The following CD200R1 variants were observed in gnomAD, a reference collection of about 807,000 sequenced individuals.
CD200R1 encodes the protein cell surface glycoprotein CD200 receptor 1.
A neutral mutation model predicts 38.1 loss-of-function variants in CD200R1; 30 were observed. The ratio of observed to expected loss-of-function variants is 0.79; its 90% confidence interval spans 0.59 to 1.07. CD200R1 has a LOEUF of 1.07. Among genes scored for constraint, CD200R1 ranks in the 50% least tolerant of loss-of-function variants. CD200R1 has a pLI of 0.00. For synonymous variants in CD200R1, 128 were observed against 152.1 expected (o/e 0.84, Z 1.16); for missense variants, 372 against 415.4 (o/e 0.90, Z 0.91).
chr3:112,929,157 A>G (rs772744292), intron 4 of CD200R1, 33 bp downstream of exon 4: 2 of 1,613,040 alleles, frequency 1.2e-6, no homozygotes, highest in Non-Finnish European at 1.7e-6. Flanking sequence ...AAATCTGGTG[A>G]TGTGAAATAC....
chr3:112,943,772 T>G (rs4682125), intron 2 of CD200R1, among the ~76,000 whole-genome samples: 90,664 of 151,350 alleles, frequency 0.6, 27,559 homozygotes, highest in African/African-American at 0.71. Context: ...TGAAAGAGGG[T>G]ATATTAACAC....
chr3:112,965,764 GA>G (rs1028629108), intron 1 of CD200R1, among the ~76,000 whole-genome samples: 9 of 144,848 alleles, frequency 6.2e-5, no homozygotes, highest in South Asian at 2.2e-4. Context: ...CATCTCAAAA[GA>G]AAAAAAAAAG....
chr3:112,961,750 A>G lies in CD200R1; in HGVS notation c.67+13041T>C, dbSNP rs998876960. Reference sequence around the variant, plus strand: ...AGCAAAAACCTGGGGAATGTTTGCAACATTTAAAACAAAGAAAGATTAATT... The same window carrying G: ...AGCAAAAACCTGGGGAATGTTTGCAGCATTTAAAACAAAGAAAGATTAATT... On this transcript the variant is annotated intron_variant, in intron 1 of 7. Transcript: ENST00000308611. 6.6e-5 allele frequency among the ~76,000 whole-genome samples: 10 copies of G among 152,222 alleles called. No individual in the cohort carries two copies. In the South Asian group the frequency reaches 1.9e-3, roughly 28 times the overall value.
chr3:112,924,872 A>T (rs1347224228), intron 6 of CD200R1, among the ~76,000 whole-genome samples: 1 of 152,072 alleles, frequency 6.6e-6, no homozygotes, highest in African/African-American at 2.4e-5. Flanking sequence ...CCTACCCTAA[A>T]TGGCCTAATT....
intron 1 of CD200R1, among the ~76,000 whole-genome samples, chr3:112,969,450 G>GA (rs569159719): frequency 6.6e-6 from 1 of 152,194 alleles, no homozygotes; most frequent in African/African-American, 2.4e-5. Flanking sequence ...AAGAGTATTA[G>GA]AAATGACAAC....
intron 1 of CD200R1, among the ~76,000 whole-genome samples, chr3:112,951,840 C>A (rs889841252): frequency 6.7e-5 from 10 of 150,192 alleles, no homozygotes; most frequent in Non-Finnish European, 1.3e-4. Context: ...GACCTGTATA[C>A]TGAAAACTGT....
At chr3:112,963,381 T>G (rs1933071765) in intron 1 of CD200R1, among the ~76,000 whole-genome samples, 1 of 152,190 alleles carries the variant, frequency 6.6e-6, no homozygotes, top group Admixed American at 6.5e-5. Context: ...TAGAGACTTG[T>G]TGAATGGCTT....
At chr3:112,966,685 A>G (rs1042041258) in intron 1 of CD200R1, among the ~76,000 whole-genome samples, 3 of 152,150 alleles carry the variant, frequency 2.0e-5, no homozygotes, top group Admixed American at 6.5e-5. Context: ...TTGGAAAAAT[A>G]TTTCTTCCAA....
intron 2 of CD200R1, among the ~76,000 whole-genome samples, chr3:112,940,507 A>G (rs1237711997): frequency 6.6e-6 from 1 of 151,902 alleles, no homozygotes; most frequent in Non-Finnish European, 1.5e-5. Context: ...TGATACAGAT[A>G]TTTCTGAACA....
chr3:112,975,018 C>CAG lies in CD200R1; in HGVS notation c.-162_-161insCT. On this transcript the variant is annotated 5_prime_UTR_variant, in exon 1 of 8. Transcript: ENST00000308611. Reference sequence around the variant, plus strand: ...CTCCCTTCCTTCTAGCCCCTTCCTTCACGTCTATGTGGTTTAGCCTGGTTA... The same window carrying CAG: ...CTCCCTTCCTTCTAGCCCCTTCCTTCAGACGTCTATGTGGTTTAGCCTGGTTA... The CAG allele has an allele frequency of 1.6e-6, 1 of 625,178 alleles. No homozygotes were observed. Among genetic ancestry groups the CAG allele is most frequent in the South Asian group, 1.9e-5 (1 of 52,608 alleles). The allele number at this position is 625,178 out of a possible 1,614,324, so 38.7% of individuals were successfully genotyped here.
chr3:112,968,691 C>A (rs138885856), intron 1 of CD200R1, among the ~76,000 whole-genome samples: 5 of 152,176 alleles, frequency 3.3e-5, no homozygotes, highest in Admixed American at 2.6e-4. Context: ...TGAAAAGTGA[C>A]AGAGTCAGAG....
chr3:112,951,593 G>C (rs182133470), intron 1 of CD200R1, among the ~76,000 whole-genome samples: 5 of 151,878 alleles, frequency 3.3e-5, no homozygotes, highest in Admixed American at 3.3e-4. Context: ...CACTATGTAA[G>C]AAGTAAAATA....
At chr3:112,925,264 T>TA in intron 5 of CD200R1, 71 bp from the exon 6 acceptor site, 1 of 737,328 alleles carries the variant, frequency 1.4e-6, no homozygotes, top group Non-Finnish European at 2.3e-6. Flanking sequence ...TATTCAATGT[T>TA]AAAAAGAAAT....
intron 1 of CD200R1, among the ~76,000 whole-genome samples, chr3:112,954,964 A>G (rs1248040137): frequency 6.6e-6 from 1 of 152,204 alleles, no homozygotes; most frequent in Non-Finnish European, 1.5e-5. Flanking sequence ...TCCTTCAAGT[A>G]TATAGCATCA....
Position 112,928,960 on chromosome 3 carries a change from A to G in CD200R1, c.625T>C (p.Cys209Arg), listed in dbSNP as rs767449985. The G allele has an allele frequency of 6.2e-7, 1 of 1,614,028 alleles. No homozygotes were observed. The highest frequency in any genetic ancestry group is 1.1e-5 in the South Asian group (1 of 91,086). ...CTCCAGTATTCTTGCTTAGTGGCAC[A>G]ATCGCCCTCTGGGATCCAGGAGATA... ...AHISWIPEGD[C>R]ATKQEYWSNG... Residue 209 changes from cysteine to arginine, a missense_variant, in exon 5 of 8, where the codon TGT (cysteine) becomes CGT (arginine). Coordinates refer to ENST00000308611, the MANE Select transcript of CD200R1 (RefSeq NM_138806.4).
chr3:112,924,921 T>C (rs1940247803), intron 6 of CD200R1, among the ~76,000 whole-genome samples, 164 bp downstream of exon 6: 1 of 152,046 alleles, frequency 6.6e-6, no homozygotes. Context: ...GCAAAGTCTC[T>C]CTCATCATTC....
At chr3:112,959,263 A>C (rs1932955065) in intron 1 of CD200R1, among the ~76,000 whole-genome samples, 1 of 152,138 alleles carries the variant, frequency 6.6e-6, no homozygotes, top group Admixed American at 6.6e-5. Context: ...ATAAAAAAGA[A>C]GTTCTGCCCT....
chr3:112,926,877 G>A (rs894040167), intron 5 of CD200R1, among the ~76,000 whole-genome samples: 1 of 151,694 alleles, frequency 6.6e-6, no homozygotes, highest in African/African-American at 2.4e-5. Context: ...TAGAAAACTC[G>A]CTAATGATTT....
intron 2 of CD200R1, among the ~76,000 whole-genome samples, chr3:112,944,682 G>GT (rs1275706158): frequency 1.3e-5 from 2 of 152,018 alleles, no homozygotes; most frequent in Non-Finnish European, 2.9e-5. Context: ...ATCAAGATCA[G>GT]TAACGAAGAA....
Sources: allele counts gnomAD v4.1 joint callset (sites outside exome capture counted in the v4.1 genomes callset), GRCh38; gene constraint gnomAD v4.1.1; transcripts MANE v1.5; gene names NCBI Gene and HGNC (gene_info 2026-07-23, HGNC 2026-07-21).